ESR2: variants seen among roughly 807,000 people sequenced by gnomAD.
The protein encoded by ESR2 is estrogen receptor 2, also known as estrogen receptor beta.
ESR2 carries 36 observed loss-of-function variants against 49.6 expected under a neutral mutation model. The observed-to-expected ratio is 0.73, with a 90% CI of 0.56 to 0.96. The LOEUF (loss-of-function observed/expected upper bound fraction) is 0.96, where lower values mean the gene tolerates loss of function less well. ESR2 is among the 40% of genes least tolerant of loss of function. The pLI is 0.00. For synonymous variants in ESR2, 320 were observed against 266.1 expected (o/e 1.20, Z -1.97); for missense variants, 714 against 693.0 (o/e 1.03, Z -0.34).
In ESR2 at chr14:64,280,145, A is replaced by T; in HGVS notation, c.371T>A (p.Leu124Gln). 6.2e-7 allele frequency: 1 copy of T among 1,613,784 alleles called. No individual in the cohort carries two copies. Residue 124 changes from leucine to glutamine, a missense_variant, in exon 3 of 9, where the codon CTG becomes CAG. Coordinates refer to ENST00000341099, the MANE Select transcript of ESR2 (RefSeq NM_001437.3). The part of the protein sequence containing the change: ...EHTLPVNRET[L>Q]KRKVSGNRCA... ...ACGGTTCCCACTAACCTTCCTTTTC[A>T]GTGTCTCTCTAGGGAGCAAAGAAAA...
At chr14:64,303,939 G>T (rs1270776791) in intron 1 of ESR2, among the ~76,000 whole-genome samples, 8 of 152,188 alleles carry the variant, frequency 5.3e-5, no homozygotes, top group Non-Finnish European at 8.8e-5. Context: ...ACTATCATTT[G>T]TTTATAAAGG....
intron 1 of ESR2, among the ~76,000 whole-genome samples, chr14:64,312,509 T>C (rs2077198304): frequency 6.6e-6 from 1 of 152,068 alleles, no homozygotes. Context: ...AAAAGAAAGG[T>C]GGCTTGCCAG....
chr14:64,333,678 T>A (rs1009859441), intron 1 of ESR2, among the ~76,000 whole-genome samples: 2 of 152,078 alleles, frequency 1.3e-5, no homozygotes, highest in African/African-American at 4.8e-5. Context: ...AAATCCCTAA[T>A]AAAACCATCC....
chr14:64,246,149 C>T (rs1467535212), intron 7 of ESR2, among the ~76,000 whole-genome samples: 1 of 152,206 alleles, frequency 6.6e-6, no homozygotes, highest in Non-Finnish European at 1.5e-5. Context: ...TCAAGACCAG[C>T]CTGGACAACA....
intron 8 of ESR2, 127 bp from the exon 9 acceptor site, chr14:64,233,450 A>G: frequency 1.2e-6 from 1 of 861,624 alleles, no homozygotes; most frequent in Non-Finnish European, 1.8e-6. Flanking sequence ...CCCCCAGCCC[A>G]TTTATCCATG....
chr14:64,325,914 TAAGTC>T (rs532876554), intron 1 of ESR2, among the ~76,000 whole-genome samples: 110 of 152,284 alleles, frequency 7.2e-4, no homozygotes, highest in Admixed American at 2.2e-3. Flanking sequence ...ATATTACTGG[TAAGTC>T]TTCCAGTCAA....
chr14:64,239,400 G>A (rs1400271538), intron 7 of ESR2, among the ~76,000 whole-genome samples: 1 of 152,198 alleles, frequency 6.6e-6, no homozygotes, highest in Non-Finnish European at 1.5e-5. Flanking sequence ...TTTTCTTAAT[G>A]TAAAATAGGA....
intron 4 of ESR2, among the ~76,000 whole-genome samples, chr14:64,268,412 G>A (rs1283829885): frequency 2.6e-5 from 4 of 152,134 alleles, no homozygotes; most frequent in Admixed American, 2.0e-4. Flanking sequence ...TTTAACCATG[G>A]ACATTTACCA....
intron 4 of ESR2, among the ~76,000 whole-genome samples, chr14:64,268,394 T>C (rs956640504): frequency 3.3e-5 from 5 of 152,220 alleles, no homozygotes; most frequent in African/African-American, 1.2e-4. Context: ...TACTTTTTTG[T>C]CACGAGTTTT....
chr14:64,323,431 A>T (rs1249782461), intron 1 of ESR2, among the ~76,000 whole-genome samples: 6 of 149,980 alleles, frequency 4.0e-5, no homozygotes, highest in Non-Finnish European at 8.9e-5. Flanking sequence ...TGGTCTTAAA[A>T]CTCCTGACCT....
At chr14:64,280,500 C>T (rs1160986948) in intron 2 of ESR2, among the ~76,000 whole-genome samples, 1 of 152,106 alleles carries the variant, frequency 6.6e-6, no homozygotes, top group Non-Finnish European at 1.5e-5. Flanking sequence ...CAAATCTTAC[C>T]CACAGGTCTG....
At chr14:64,242,183 G>T (rs921967811) in intron 7 of ESR2, among the ~76,000 whole-genome samples, 1 of 152,086 alleles carries the variant, frequency 6.6e-6, no homozygotes, top group Non-Finnish European at 1.5e-5. Context: ...GCCAAGGCGG[G>T]TGGATCACCT....
At chr14:64,328,048 A>C (rs1412296075) in intron 1 of ESR2, among the ~76,000 whole-genome samples, 2 of 138,182 alleles carry the variant, frequency 1.4e-5, no homozygotes, top group Non-Finnish European at 3.1e-5. Context: ...TCTACTAAAA[A>C]TACAAAAAAA....
At chr14:64,298,269 A>G (rs747199107), upstream of ESR2, 1 of 152,226 alleles carries the variant, frequency 6.6e-6, no homozygotes, top group African/African-American at 2.4e-5. Context: ...TAATCCTTGA[A>G]AATTCCCTGG....
In ESR2 at chr14:64,335,179, AAC is replaced by A. The variant is rs576762463; in HGVS notation, c.-91+2717_-91+2718del. 1.1e-4 allele frequency among the ~76,000 whole-genome samples: 17 copies of A among 152,364 alleles called. No homozygotes were observed. In the South Asian group the frequency reaches 3.5e-3, roughly 32 times the overall value. On this transcript the variant is annotated intron_variant, in intron 1 of 8. Coordinates refer to the ESR2 transcript ENST00000358599. ...ATAAGTGCTGTACATAGAATAATGT[AAC>A]AGTGATCAGGGAAGGCACACAAAGG...
At chr14:64,316,841 C>T (rs908450637) in intron 1 of ESR2, among the ~76,000 whole-genome samples, 1 of 152,018 alleles carries the variant, frequency 6.6e-6, no homozygotes, top group African/African-American at 2.4e-5. Flanking sequence ...TAACTACAGA[C>T]TAATATACCA....
intron 1 of ESR2, among the ~76,000 whole-genome samples, chr14:64,308,913 G>A (rs923065480): frequency 2.0e-5 from 3 of 151,476 alleles, no homozygotes; most frequent in Non-Finnish European, 4.4e-5. Context: ...AAAATGCTGG[G>A]ACTACACACC....
At chr14:64,331,878 T>C (rs2077464876) in intron 1 of ESR2, among the ~76,000 whole-genome samples, 1 of 150,924 alleles carries the variant, frequency 6.6e-6, no homozygotes, top group African/African-American at 2.4e-5. Flanking sequence ...AGAGAGTCCT[T>C]CTCTCCCTTT....
In ESR2 at chr14:64,249,624, T is replaced by C; in HGVS notation, c.1147A>G (p.Thr383Ala). 1.2e-6 allele frequency: 2 copies of C among 1,614,036 alleles called. No individual in the cohort carries two copies. Among genetic ancestry groups the C allele is most frequent in the Non-Finnish European group, 1.7e-6 (2 of 1,179,946 alleles). Reference sequence around the variant, plus strand: ...TTTAACTCTCGAAACCTTGAAGTAGTTGCCAGGAGCATGTCAAAGATTTCC... The same window carrying C: ...TTTAACTCTCGAAACCTTGAAGTAGCTGCCAGGAGCATGTCAAAGATTTCC... ...ILEIFDMLLA[T>A]TSRFRELKLQ... Residue 383 changes from threonine to alanine, a missense_variant, in exon 7 of 9, where the codon ACT becomes GCT. Physicochemically the swap from Thr to Ala is moderately conservative, Grantham distance 58. Coordinates refer to ENST00000341099, the MANE Select transcript of ESR2 (RefSeq NM_001437.3).
Sources: gnomAD v4.1 joint callset for allele counts (sites outside exome capture counted in the v4.1 genomes callset) on GRCh38, gnomAD v4.1.1 for gene constraint, MANE v1.5 for transcripts, NCBI Gene and HGNC (gene_info 2026-07-23, HGNC 2026-07-21) for gene names.